Variants in SCML2 observed in about 807,000 individuals in gnomAD.
SCML2 encodes the protein sex comb on midleg-like protein 2.
In SCML2, 6 loss-of-function variants were observed where a neutral mutation model predicts 48.4. The observed-to-expected ratio is 0.12, with a 90% CI of 0.07 to 0.24. The LOEUF (loss-of-function observed/expected upper bound fraction) is 0.24. Ranked by LOEUF, SCML2 falls within the 10% of genes least tolerant of loss-of-function variation. The pLI is 1.00. For missense variants in SCML2, 377 were observed against 528.2 expected, an observed-to-expected ratio of 0.71 and a Z score of 2.81; for synonymous variants, 181 against 189.5, an observed-to-expected ratio of 0.95 and a Z score of 0.37.
chrX:18,264,319 T>C (rs1476961888), intron 8 of SCML2, among the ~76,000 whole-genome samples: 1 of 111,427 alleles, frequency 9.0e-6, no homozygotes, highest in Non-Finnish European at 1.9e-5. Flanking sequence ...CTGGTTAATT[T>C]TGTCCAGTGA....
chrX:18,257,757 G>A (rs1039497324), intron 10 of SCML2, among the ~76,000 whole-genome samples: 1 of 107,712 alleles, frequency 9.3e-6, no homozygotes, highest in South Asian at 4.2e-4. Context: ...GCATGATGGC[G>A]CATGCCTATA....
chrX:18,250,647 T>G (rs980274681), intron 11 of SCML2, among the ~76,000 whole-genome samples: 2 of 110,611 alleles, frequency 1.8e-5, no homozygotes, highest in Non-Finnish European at 3.8e-5. Flanking sequence ...CCTCCCAAAG[T>G]GCTGGGATTA....
At chrX:18,285,383 T>C (rs1013660877) in intron 7 of SCML2, among the ~76,000 whole-genome samples, 16 of 107,459 alleles carry the variant, frequency 1.5e-4, no homozygotes, top group African/African-American at 5.4e-4. Flanking sequence ...TAAAAAAGAA[T>C]GGAATCATAT....
intron 11 of SCML2, among the ~76,000 whole-genome samples, chrX:18,249,973 A>G (rs1184194035): frequency 9.0e-6 from 1 of 111,443 alleles, no homozygotes; most frequent in Admixed American, 9.6e-5. Context: ...CACTCTTAAC[A>G]AAGAAACACA....
chrX:18,298,728 TAGA>T (rs1161020301), intron 7 of SCML2, among the ~76,000 whole-genome samples: 6 of 109,018 alleles, frequency 5.5e-5, no homozygotes, highest in Admixed American at 9.8e-5. Flanking sequence ...GAGGCTGAGG[TAGA>T]AGAACTGCTT....
In SCML2 at chrX:18,241,075, T is replaced by C; in HGVS notation, c.*176A>G. On this transcript the variant is annotated 3_prime_UTR_variant, in exon 15 of 15. Transcript: ENST00000251900. ...GGCGGCTGTGTCTCCCAAAGCTGGT[T>C]GGTGACTCCAGGAAAAAAACAAAGT... is the stretch of plus-strand genomic sequence containing the variant. 3.3e-6 allele frequency: 1 copy of C among 305,699 alleles called. No homozygotes were observed. Among genetic ancestry groups the C allele is most frequent in the Non-Finnish European group, 5.6e-6 (1 of 179,931 alleles). 25.2% of individuals were successfully genotyped at this position (305,699 alleles called of 1,213,427 possible).
chrX:18,263,128 C>T (rs1187066052), intron 8 of SCML2, among the ~76,000 whole-genome samples: 1 of 105,076 alleles, frequency 9.5e-6, no homozygotes, highest in East Asian at 3.0e-4. Context: ...GGCTTTTTAG[C>T]TATAATTCTT....
intron 7 of SCML2, 57 bp downstream of exon 7, chrX:18,304,912 AATG>A: frequency 8.7e-7 from 1 of 1,145,844 alleles, no homozygotes; most frequent in East Asian, 3.0e-5. Context: ...CAATGCCACC[AATG>A]ACAGTTACAT....
intron 6 of SCML2, among the ~76,000 whole-genome samples, chrX:18,310,260 CTTTTTTTTTTTTTT>C (rs773391164): frequency 1.6e-5 from 1 of 62,368 alleles, no homozygotes; most frequent in Non-Finnish European, 2.8e-5. Context: ...AACCACCTCC[CTTTTTTTTTTTTTT>C]TTTTTTTTTT....
intron 1 of SCML2, chrX:18,341,261 G>C: frequency 2.9e-6 from 2 of 679,507 alleles, no homozygotes; most frequent in South Asian, 5.1e-5. Flanking sequence ...CTTCAATAAG[G>C]CCAAGCTGAA....
At chrX:18,344,671 G>A (rs771655465) in intron 1 of SCML2, among the ~76,000 whole-genome samples, 2 of 111,628 alleles carry the variant, frequency 1.8e-5, no homozygotes, top group Non-Finnish European at 3.8e-5. Context: ...CTCATCTGCT[G>A]CCCTGTAAGA....
At chrX:18,292,927 A>G (rs1244575095) in intron 7 of SCML2, among the ~76,000 whole-genome samples, 1 of 110,584 alleles carries the variant, frequency 9.0e-6, no homozygotes, top group Non-Finnish European at 1.9e-5. Context: ...AAATTATTCT[A>G]TAATTATTCT....
chrX:18,306,304 A>T (rs181875739), intron 6 of SCML2, among the ~76,000 whole-genome samples: 1 of 110,815 alleles, frequency 9.0e-6, no homozygotes, highest in African/African-American at 3.3e-5. Context: ...ACAACCTCCC[A>T]ATCAGAGCTG....
At chrX:18,278,111 T>C (rs771074300) in intron 7 of SCML2, among the ~76,000 whole-genome samples, 85 of 112,065 alleles carry the variant, frequency 7.6e-4, no homozygotes, top group African/African-American at 2.7e-3. Flanking sequence ...TGAGCTGAGA[T>C]CATGCCACTG....
chrX:18,339,546 G>C (rs1421403832), intron 1 of SCML2, among the ~76,000 whole-genome samples: 1 of 110,808 alleles, frequency 9.0e-6, no homozygotes, highest in African/African-American at 3.3e-5. Flanking sequence ...CATCACTACA[G>C]AAAAATAAAA....
chrX:18,299,545 T>C (rs1377447893), intron 7 of SCML2, among the ~76,000 whole-genome samples: 3 of 110,113 alleles, frequency 2.7e-5, no homozygotes, highest in Non-Finnish European at 3.8e-5. Context: ...ACAAAGGATC[T>C]GAATAGACAC....
intron 6 of SCML2, among the ~76,000 whole-genome samples, chrX:18,311,420 A>C (rs1003860750): frequency 1.8e-5 from 2 of 112,172 alleles, no homozygotes; most frequent in African/African-American, 6.5e-5. Flanking sequence ...GAGAGAGAAC[A>C]GCACAATAGG....
At position 18,239,987 on chromosome X, in the gene SCML2, A is replaced by C. The variant is rs1926208318; in HGVS notation, c.*1264T>G. The C allele has an allele frequency of 1.8e-5, 2 of 112,343 alleles. No individual in the cohort carries two copies. The highest frequency in any genetic ancestry group is 1.9e-4 in the Admixed American group (2 of 10,490). The allele number at this position is 112,343 out of a possible 1,213,427, so 9.3% of individuals were successfully genotyped here. A position where few individuals can be genotyped will look rare whatever the true frequency, so the allele number is the denominator to read the frequency against. ...CAAGAGTGAAACTCCATCTCAAAAA[A>C]ATAAAAATAAAATAAAGCCCCAAAC... On this transcript the variant is annotated 3_prime_UTR_variant, in exon 15 of 15. Coordinates refer to ENST00000251900, the MANE Select transcript of SCML2 (RefSeq NM_006089.3).
At chrX:18,340,891 G>C (rs1191008070) in intron 1 of SCML2, among the ~76,000 whole-genome samples, 1 of 110,204 alleles carries the variant, frequency 9.1e-6, no homozygotes, top group Non-Finnish European at 1.9e-5. Context: ...TAGACTCTTA[G>C]CATAATTTTT....
Sources: allele counts gnomAD v4.1 joint callset (sites outside exome capture counted in the v4.1 genomes callset), GRCh38; gene constraint gnomAD v4.1.1; transcripts MANE v1.5; gene names NCBI Gene and HGNC (gene_info 2026-07-23, HGNC 2026-07-21).